Variants in AKAP6 observed in about 807,000 individuals in gnomAD.
AKAP6 encodes A-kinase anchor protein 6.
Under a neutral mutation model 188.5 loss-of-function variants are expected in AKAP6, and 58 were observed. The observed-to-expected ratio is 0.31, with a 90% CI of 0.25 to 0.38. AKAP6 has a LOEUF of 0.38. Among genes scored for constraint, AKAP6 ranks in the 10% least tolerant of loss-of-function variants. The probability of loss-of-function intolerance (pLI) is 1.00; values close to 1 mark genes in which losing one functional copy is unlikely to be tolerated. For synonymous variants in AKAP6, 989 were observed against 998.6 expected, an observed-to-expected ratio of 0.99 and a Z score of 0.18; for missense variants, 2,710 against 2,740.0, an observed-to-expected ratio of 0.99 and a Z score of 0.24.
intron 11 of AKAP6, among the ~76,000 whole-genome samples, chr14:32,772,896 G>C (rs1252649658): frequency 2.6e-5 from 4 of 152,182 alleles, no homozygotes; most frequent in Non-Finnish European, 5.9e-5. Context: ...CACACTATCT[G>C]TAGGCAAAGA....
intron 13 of AKAP6, among the ~76,000 whole-genome samples, chr14:32,827,412 G>A (rs1227404371): frequency 6.6e-6 from 1 of 151,378 alleles, no homozygotes. Context: ...CCACCCAGAA[G>A]AGATATAACT....
intron 7 of AKAP6, among the ~76,000 whole-genome samples, chr14:32,647,400 A>G (rs1206032613): frequency 6.6e-6 from 1 of 152,064 alleles, no homozygotes; most frequent in Non-Finnish European, 1.5e-5. Flanking sequence ...GTACATGACC[A>G]TTTCTGTTTC....
intron 12 of AKAP6, among the ~76,000 whole-genome samples, chr14:32,778,367 A>G (rs1391301878): frequency 2.6e-5 from 4 of 152,160 alleles, no homozygotes; most frequent in African/African-American, 9.7e-5. Flanking sequence ...CTTATTGTCT[A>G]TTTATAACAT....
intron 1 of AKAP6, among the ~76,000 whole-genome samples, chr14:32,423,320 C>T (rs2138672532): frequency 6.6e-6 from 1 of 152,158 alleles, no homozygotes; most frequent in Admixed American, 6.6e-5. Flanking sequence ...CGGGTACATG[C>T]CACCACGCCT....
intron 7 of AKAP6, among the ~76,000 whole-genome samples, chr14:32,637,695 A>G (rs1280645489): frequency 6.6e-6 from 1 of 152,058 alleles, no homozygotes; most frequent in African/African-American, 2.4e-5. Flanking sequence ...CTGTCTGGAA[A>G]GAATAAGTGC....
intron 4 of AKAP6, among the ~76,000 whole-genome samples, chr14:32,559,425 A>G (rs1049036107): frequency 2.0e-5 from 3 of 152,208 alleles, no homozygotes; most frequent in Non-Finnish European, 2.9e-5. Flanking sequence ...CAATTTTTAG[A>G]TGTTGGATCT....
chr14:32,773,762 A>T lies in AKAP6; in HGVS notation c.3457A>T (p.Thr1153Ser). 4 of 1,614,084 alleles carry T rather than the reference A, an allele frequency of 2.5e-6. No individual in the cohort carries two copies. The highest frequency in any genetic ancestry group is 3.4e-6 in the Non-Finnish European group (4 of 1,179,990). ...CCAGCATCTTTTGGATGACCGGGAG[A>T]CTTGCAATCTGAATGCAGACCACCA... ...LCQHLLDDRE[T>S]CNLNADHQPM... The change falls in exon 12 of 14, where the codon ACT (threonine) becomes TCT (serine). Residue 1153 changes from threonine to serine, a missense_variant. By Grantham distance (58) the Thr-to-Ser change is moderately conservative. Around this residue, in one of 2 missense-constraint regions of AKAP6, gnomAD observed 2,473 missense variants for 2,426.1 expected, o/e 1.02. Coordinates refer to ENST00000280979, the MANE Select transcript of AKAP6 (RefSeq NM_004274.5).
chr14:32,645,139 G>T (rs895458036), intron 7 of AKAP6, among the ~76,000 whole-genome samples: 3 of 152,060 alleles, frequency 2.0e-5, no homozygotes, highest in Admixed American at 2.0e-4. Context: ...GATCTTAAAA[G>T]GTTAGATTCT....
intron 1 of AKAP6, among the ~76,000 whole-genome samples, chr14:32,356,196 C>G (rs1428614919): frequency 1.3e-5 from 2 of 152,208 alleles, no homozygotes; most frequent in Non-Finnish European, 2.9e-5. Flanking sequence ...TTCACATTCT[C>G]AGACTTCCTG....
intron 1 of AKAP6, among the ~76,000 whole-genome samples, chr14:32,352,087 G>GTGTGTGTATGTT (rs1178566053): frequency 2.7e-5 from 3 of 112,412 alleles, no homozygotes; most frequent in African/African-American, 1.4e-4. Flanking sequence ...GTGTGTGTGT[G>GTGTGTGTATGTT]TGTGTGTGTG....
At chr14:32,748,792 C>T (rs1397682557) in intron 11 of AKAP6, among the ~76,000 whole-genome samples, 1 of 152,176 alleles carries the variant, frequency 6.6e-6, no homozygotes, top group Non-Finnish European at 1.5e-5. Context: ...TGGGTCTTCA[C>T]TTTCAGGCTA....
chr14:32,504,018 TAGTG>T (rs1362799668), intron 2 of AKAP6, among the ~76,000 whole-genome samples: 5 of 151,806 alleles, frequency 3.3e-5, no homozygotes, highest in Admixed American at 1.3e-4. Flanking sequence ...TAAAATAGCT[TAGTG>T]AGGTTGCTAT....
intron 1 of AKAP6, among the ~76,000 whole-genome samples, chr14:32,404,691 G>GAGATATATATATAT (rs1555325858): frequency 2.3e-5 from 1 of 44,438 alleles, no homozygotes; most frequent in African/African-American, 7.2e-5. Context: ...GGAGTCAGGA[G>GAGATATATATATAT]ATATATATAT....
At chr14:32,681,924 A>G (rs1234949128) in intron 8 of AKAP6, among the ~76,000 whole-genome samples, 1 of 152,126 alleles carries the variant, frequency 6.6e-6, no homozygotes. Context: ...AGTACCTTCT[A>G]TATGTCAGGC....
At chr14:32,722,913 C>G (rs909554760) in intron 9 of AKAP6, among the ~76,000 whole-genome samples, 1 of 152,198 alleles carries the variant, frequency 6.6e-6, no homozygotes, top group Non-Finnish European at 1.5e-5. Context: ...TTAACACCAT[C>G]CATGGATGGC....
intron 7 of AKAP6, among the ~76,000 whole-genome samples, chr14:32,646,095 T>A (rs1183872001): frequency 1.3e-5 from 2 of 152,168 alleles, no homozygotes; most frequent in East Asian, 3.9e-4. Context: ...CTTGATAGAT[T>A]TGTTAAAGTC....
chr14:32,580,523 A>AT (rs958475131), intron 5 of AKAP6, among the ~76,000 whole-genome samples: 3 of 152,134 alleles, frequency 2.0e-5, no homozygotes, highest in South Asian at 4.1e-4. Flanking sequence ...TAAATTGCAC[A>AT]TTTTTTTCCC....
intron 1 of AKAP6, among the ~76,000 whole-genome samples, chr14:32,414,003 C>G (rs1396676053): frequency 6.6e-6 from 1 of 151,146 alleles, no homozygotes; most frequent in East Asian, 1.9e-4. Context: ...GGGACATAAG[C>G]TTATTAAAAA....
At chr14:32,616,307 G>A (rs1189996549) in intron 7 of AKAP6, among the ~76,000 whole-genome samples, 1 of 152,160 alleles carries the variant, frequency 6.6e-6, no homozygotes, top group Non-Finnish European at 1.5e-5. Context: ...GCATGTGTAT[G>A]TTCACTGCAG....
Sources: gnomAD v4.1 joint callset for allele counts (sites outside exome capture counted in the v4.1 genomes callset) on GRCh38, gnomAD v4.1.1 for gene constraint, gnomAD v4.1.1 regional missense constraint, MANE v1.5 for transcripts, NCBI Gene and HGNC (gene_info 2026-07-23, HGNC 2026-07-21) for gene names.